Variants in PPFIA1 observed in about 807,000 individuals in gnomAD.
PPFIA1 encodes PPFI scaffold protein A1.
PPFIA1 carries 25 observed loss-of-function variants against 149.9 expected under a neutral mutation model. The observed-to-expected ratio is 0.17, with a 90% CI of 0.12 to 0.23. The LOEUF is 0.23. Among genes scored for constraint, PPFIA1 ranks in the 10% least tolerant of loss-of-function variants. PPFIA1 has a pLI of 1.00. For synonymous variants in PPFIA1, 549 were observed against 552.8 expected, an observed-to-expected ratio of 0.99 and a Z score of 0.10; for missense variants, 1,362 against 1,506.5, an observed-to-expected ratio of 0.90 and a Z score of 1.59.
intron 16 of PPFIA1, among the ~76,000 whole-genome samples, chr11:70,353,257 C>T (rs138766009): frequency 6.6e-6 from 1 of 152,158 alleles, no homozygotes; most frequent in Non-Finnish European, 1.5e-5. Flanking sequence ...TGTAGTCCCA[C>T]CTACTTTGGA....
rs766366310 is a variant in PPFIA1 at position 70,324,482 on chromosome 11, A to G, written c.345A>G (p.Lys115=). 2 of 1,612,072 alleles carry G rather than the reference A, an allele frequency of 1.2e-6. No individual in the cohort carries two copies. The highest frequency in any genetic ancestry group is 1.7e-6 in the Non-Finnish European group (2 of 1,178,176). Residue 115 remains lysine, a synonymous_variant, in exon 3 of 28, where the codon AAA becomes AAG. Transcript: ENST00000253925. ...LEREEEIAEL[K]AERNNTRLLL... ...GGGAAGAAGAAATTGCTGAACTGAA[A>G]GCAGAAAGGAATAACACCAGGGTGA...
At chr11:70,325,179 CTTAAAA>C (rs1449014563) in intron 4 of PPFIA1, 168 bp downstream of exon 4, 12 of 590,544 alleles carry the variant, frequency 2.0e-5, no homozygotes, top group African/African-American at 5.7e-5. Flanking sequence ...GCTTAAATGT[CTTAAAA>C]TTACTAATGT....
chr11:70,274,665 T>G (rs750109370), intron 2 of PPFIA1, among the ~76,000 whole-genome samples: 14 of 152,200 alleles, frequency 9.2e-5, no homozygotes, highest in Admixed American at 9.2e-4. Flanking sequence ...TGGGGTTGTT[T>G]CCAGTTTTTA....
chr11:70,280,582 A>G (rs2050696964), intron 2 of PPFIA1, among the ~76,000 whole-genome samples: 1 of 152,124 alleles, frequency 6.6e-6, no homozygotes, highest in African/African-American at 2.4e-5. Flanking sequence ...GGAAAAAGAA[A>G]AAGACAGGCA....
chr11:70,371,215 G>T (rs1262037527), intron 21 of PPFIA1: 1 of 148,444 alleles, frequency 6.7e-6, no homozygotes, highest in Non-Finnish European at 1.5e-5. Flanking sequence ...TTTTATTATT[G>T]ATTTCTAATT....
At chr11:70,295,512 AC>A (rs527569852) in intron 2 of PPFIA1, among the ~76,000 whole-genome samples, 31 of 60,612 alleles carry the variant, frequency 5.1e-4, no homozygotes, top group South Asian at 3.8e-3. Flanking sequence ...GGGGGGGCTG[AC>A]CCCCCCCACC....
At chr11:70,322,726 A>C (rs1198518489) in intron 2 of PPFIA1, among the ~76,000 whole-genome samples, 1 of 152,196 alleles carries the variant, frequency 6.6e-6, no homozygotes, top group East Asian at 1.9e-4. Context: ...TATAATGTCT[A>C]TATATATTTA....
chr11:70,296,090 TG>T (rs2051985924), intron 2 of PPFIA1, among the ~76,000 whole-genome samples: 2 of 150,926 alleles, frequency 1.3e-5, no homozygotes, highest in South Asian at 4.2e-4. Flanking sequence ...GATGGGCGGC[TG>T]GGCAGAGACG....
Position 70,316,084 on chromosome 11 carries a change from T to C in PPFIA1, c.265-8318T>C, listed in dbSNP as rs1490279035. 5.3e-5 allele frequency among the ~76,000 whole-genome samples: 8 copies of C among 152,282 alleles called. 1 individual carries two copies. In the South Asian group the frequency reaches 8.3e-4, roughly 16 times the overall value. On this transcript the variant is annotated intron_variant, in intron 2 of 27. Coordinates refer to ENST00000253925, the MANE Select transcript of PPFIA1 (RefSeq NM_003626.5). ...CTTCCTTTTTTTTTAAATTTTTTTT[T>C]CTTTGAGACAGAGTTTGGCTCTCAT...
intron 2 of PPFIA1, chr11:70,279,162 C>T (rs780101828): frequency 8.1e-6 from 4 of 495,842 alleles, no homozygotes; most frequent in African/African-American, 2.0e-5. Flanking sequence ...CGCGCCCACA[C>T]GTCCAGGACT....
chr11:70,285,466 G>A (rs554252738), intron 2 of PPFIA1, among the ~76,000 whole-genome samples: 28 of 152,134 alleles, frequency 1.8e-4, no homozygotes, highest in African/African-American at 6.5e-4. Flanking sequence ...CAGATCACGA[G>A]GTCAGGAGTT....
chr11:70,311,641 C>T (rs374644559), intron 2 of PPFIA1, among the ~76,000 whole-genome samples: 27 of 152,182 alleles, frequency 1.8e-4, no homozygotes, highest in Admixed American at 2.0e-4. Flanking sequence ...GGGCTGGTGG[C>T]GATACTGCCT....
At chr11:70,315,288 AT>A (rs2053537889) in intron 2 of PPFIA1, among the ~76,000 whole-genome samples, 3 of 152,162 alleles carry the variant, frequency 2.0e-5, no homozygotes, top group South Asian at 4.1e-4. Context: ...ATGAGACCAA[AT>A]TTTTATAAAA....
intron 23 of PPFIA1, chr11:70,374,676 C>A: frequency 2.3e-6 from 1 of 443,164 alleles, no homozygotes; most frequent in Non-Finnish European, 3.9e-6. Flanking sequence ...TAACTTCATT[C>A]CTCTCGTGCT....
intron 2 of PPFIA1, among the ~76,000 whole-genome samples, chr11:70,320,495 G>A (rs2053873552): frequency 6.8e-6 from 1 of 146,778 alleles, no homozygotes; most frequent in Non-Finnish European, 1.5e-5. Context: ...GCAGTGGTGT[G>A]ATCACGGCTC....
intron 27 of PPFIA1, 103 bp downstream of exon 27, chr11:70,382,261 C>A: frequency 1.3e-6 from 1 of 768,444 alleles, no homozygotes; most frequent in Non-Finnish European, 2.1e-6. Context: ...AAAGCCAGTG[C>A]AGTTTTTGGG....
At chr11:70,300,211 C>A (rs1266490688) in intron 2 of PPFIA1, among the ~76,000 whole-genome samples, 17 of 152,136 alleles carry the variant, frequency 1.1e-4, no homozygotes, top group Admixed American at 1.0e-3. Context: ...GACTCCTCTT[C>A]ATTACCATGC....
chr11:70,333,076 C>A (rs1184439363), intron 9 of PPFIA1: 1 of 461,198 alleles, frequency 2.2e-6, no homozygotes, highest in South Asian at 1.5e-5. Flanking sequence ...ACTGTTGGAA[C>A]TTACTTCCAA....
chr11:70,296,136 G>T (rs943457174), intron 2 of PPFIA1, among the ~76,000 whole-genome samples: 1 of 152,164 alleles, frequency 6.6e-6, no homozygotes, highest in African/African-American at 2.4e-5. Context: ...CAGCCGGGAA[G>T]AGGTGCTCCT....
Sources: allele counts gnomAD v4.1 joint callset (sites outside exome capture counted in the v4.1 genomes callset), GRCh38; gene constraint gnomAD v4.1.1; transcripts MANE v1.5; gene names NCBI Gene and HGNC (gene_info 2026-07-23, HGNC 2026-07-21).